The following PTPRS variants were observed in gnomAD, a reference collection of about 807,000 sequenced individuals.
The protein encoded by PTPRS is protein tyrosine phosphatase receptor type S, also known as receptor-type tyrosine-protein phosphatase S.
PTPRS carries 63 observed loss-of-function variants against 215.3 expected under a neutral mutation model. The observed-to-expected ratio is 0.29, with a 90% CI of 0.24 to 0.36. The LOEUF is 0.36. PTPRS is among the 10% of genes least tolerant of loss of function. The pLI is 1.00. For missense variants in PTPRS, 2,258 were observed against 2,825.8 expected, an observed-to-expected ratio of 0.80 and a Z score of 4.56; for synonymous variants, 1,404 against 1,191.4, an observed-to-expected ratio of 1.18 and a Z score of -3.68.
intron 13 of PTPRS, among the ~76,000 whole-genome samples, chr19:5,236,380 C>T (rs2145780216): frequency 6.6e-6 from 1 of 152,364 alleles, no homozygotes; most frequent in East Asian, 1.9e-4. Flanking sequence ...CCGTGATTCA[C>T]AGGCTGGCTT....
chr19:5,269,935 A>AAAG, intron 4 of PTPRS, among the ~76,000 whole-genome samples: 1 of 151,278 alleles, frequency 6.6e-6, no homozygotes, highest in East Asian at 1.9e-4. Context: ...AAAAAAAAAA[A>AAAG]AAAAAAAGAG....
At chr19:5,267,710 TGCCCCCCC>T (rs1284795880) in intron 4 of PTPRS, among the ~76,000 whole-genome samples, 5 of 134,604 alleles carry the variant, frequency 3.7e-5, no homozygotes, top group African/African-American at 1.4e-4. Flanking sequence ...CTAATAACCG[TGCCCCCCC>T]GCCCCCCCAA....
intron 1 of PTPRS, among the ~76,000 whole-genome samples, chr19:5,337,887 A>C (rs2050556994): frequency 6.6e-6 from 1 of 152,142 alleles, no homozygotes; most frequent in African/African-American, 2.4e-5. Context: ...CTGAACGCTC[A>C]ACCGGGGTAT....
At chr19:5,309,669 T>C (rs566428645) in intron 1 of PTPRS, among the ~76,000 whole-genome samples, 3 of 152,270 alleles carry the variant, frequency 2.0e-5, no homozygotes, top group South Asian at 2.1e-4. Context: ...TCTTTACCGA[T>C]GTTCAGGACA....
At chr19:5,334,240 G>A (rs543881610) in intron 1 of PTPRS, among the ~76,000 whole-genome samples, 1 of 152,368 alleles carries the variant, frequency 6.6e-6, no homozygotes, top group East Asian at 1.9e-4. Context: ...CCATCGGGGG[G>A]CTGAGGGCGG....
intron 1 of PTPRS, among the ~76,000 whole-genome samples, chr19:5,301,787 T>A (rs921970237): frequency 6.7e-6 from 1 of 150,134 alleles, no homozygotes; most frequent in African/African-American, 2.4e-5. Flanking sequence ...ATACCCCCCA[T>A]TGATTGGATG....
At chr19:5,330,711 C>T (rs2050294983) in intron 1 of PTPRS, among the ~76,000 whole-genome samples, 1 of 152,186 alleles carries the variant, frequency 6.6e-6, no homozygotes, top group African/African-American at 2.4e-5. Context: ...CTCACACAGC[C>T]AGGGAGGGTC....
intron 1 of PTPRS, 24 bp downstream of exon 1, chr19:5,340,640 T>C (rs2050664721): frequency 8.9e-6 from 1 of 112,498 alleles, no homozygotes; most frequent in African/African-American, 4.6e-5. Context: ...TAATCCATGA[T>C]TTTATTTTTT....
intron 1 of PTPRS, among the ~76,000 whole-genome samples, chr19:5,301,183 C>G (rs1490975013): frequency 6.6e-6 from 1 of 152,226 alleles, no homozygotes; most frequent in Non-Finnish European, 1.5e-5. Context: ...CGCCAACATG[C>G]TGACTCAGCC....
rs1037387367 is a variant in PTPRS at position 5,244,920 on chromosome 19, G to A, written c.989-438C>T. 2.6e-5 allele frequency among the ~76,000 whole-genome samples: 4 copies of A among 151,814 alleles called. No individual in the cohort carries two copies. The highest frequency in any genetic ancestry group is 9.7e-5 in the African/African-American group (4 of 41,356). On this transcript the variant is annotated intron_variant, in intron 10 of 37. Coordinates refer to ENST00000262963, the MANE Select transcript of PTPRS (RefSeq NM_002850.4). This position sits in a 1 kb window ranked among gnomAD's most constrained non-coding sequence, Gnocchi z 7.2. The stretch of plus-strand genomic sequence containing the variant: ...CCTGACCTCGTGATCCGCCCGCCTC[G>A]GCCTCCCGAAGTGCTGGGATTACAG...
intron 4 of PTPRS, among the ~76,000 whole-genome samples, chr19:5,268,389 A>G (rs550500817): frequency 3.1e-4 from 47 of 152,066 alleles, no homozygotes; most frequent in East Asian, 2.9e-3. Context: ...CTGTTTGTTT[A>G]AAGAATACAC....
intron 2 of PTPRS, among the ~76,000 whole-genome samples, chr19:5,283,175 C>T (rs1027714692): frequency 6.6e-6 from 1 of 152,210 alleles, no homozygotes; most frequent in East Asian, 1.9e-4. Flanking sequence ...CAACCCTGCC[C>T]GGGGCCAGCC....
At position 5,222,695 on chromosome 19, in the gene PTPRS, C is replaced by T. The variant is rs773496700; in HGVS notation, c.3097G>A (p.Asp1033Asn). 1.3e-6 allele frequency: 2 copies of T among 1,584,636 alleles called. No individual in the cohort carries two copies. The highest frequency in any genetic ancestry group is 1.3e-5 in the African/African-American group (1 of 74,324). The stretch of plus-strand genomic sequence containing the variant: ...GGGGTCGCCGCGCGCCTACCTTGGT[C>T]CCGCAGGAACGTCCGGTAGCGGACG... ...PPVRYRTFLR[D>N]QVSPKNFKVK... The change falls in exon 18 of 38, where the codon GAC becomes AAC. Residue 1033 changes from aspartate (D) to asparagine (N), a missense_variant. This residue lies in a region of PTPRS where 361 missense variants were observed against 332.6 expected (regional missense o/e 1.09). Transcript: ENST00000262963.
At chr19:5,334,616 G>C (rs2050433915) in intron 1 of PTPRS, among the ~76,000 whole-genome samples, 2 of 152,172 alleles carry the variant, frequency 1.3e-5, no homozygotes, top group East Asian at 3.8e-4. Flanking sequence ...AGAGCCCTGG[G>C]GTGTGTGTGT....
chr19:5,267,090 G>A (rs892414775), intron 4 of PTPRS, among the ~76,000 whole-genome samples: 3 of 152,156 alleles, frequency 2.0e-5, no homozygotes, highest in Admixed American at 1.3e-4. Flanking sequence ...AATCCTGGTT[G>A]AGCACTCAAT....
chr19:5,216,233 C>T (rs1338393777), intron 26 of PTPRS, among the ~76,000 whole-genome samples: 1 of 152,048 alleles, frequency 6.6e-6, no homozygotes, highest in South Asian at 2.1e-4. Context: ...CCTTTCAAGC[C>T]CCCTAGGATG....
chr19:5,236,824 C>T (rs192927394), intron 13 of PTPRS, among the ~76,000 whole-genome samples: 14 of 111,308 alleles, frequency 1.3e-4, no homozygotes, highest in South Asian at 6.1e-4. Flanking sequence ...CCGGGGGGTG[C>T]GGGGAATCAG....
chr19:5,277,484 A>G (rs2047481239), intron 2 of PTPRS, among the ~76,000 whole-genome samples: 1 of 151,816 alleles, frequency 6.6e-6, no homozygotes, highest in Non-Finnish European at 1.5e-5. Flanking sequence ...TGAAAACCCC[A>G]TCTCTACTAA....
intron 17 of PTPRS, 51 bp from the exon 18 acceptor site, chr19:5,223,348 A>G (rs1219071323): frequency 7.1e-7 from 1 of 1,414,072 alleles, no homozygotes; most frequent in Non-Finnish European, 9.2e-7. Context: ...CCGCCAGCCC[A>G]GAGGCACAAG....
Sources: gnomAD v4.1 joint callset for allele counts (sites outside exome capture counted in the v4.1 genomes callset) on GRCh38, gnomAD v4.1.1 for gene constraint, gnomAD v4.1.1 regional missense constraint, Gnocchi (gnomAD v3.1) non-coding constraint, MANE v1.5 for transcripts, NCBI Gene and HGNC (gene_info 2026-07-23, HGNC 2026-07-21) for gene names.